Variants in RNF213 observed in about 807,000 individuals in gnomAD.
RNF213 encodes E3 ubiquitin-protein ligase RNF213.
A neutral mutation model predicts 514.4 loss-of-function variants in RNF213; 341 were observed. The ratio of observed to expected loss-of-function variants is 0.66; its 90% CI spans 0.61 to 0.73. The LOEUF (loss-of-function observed/expected upper bound fraction) is 0.73. Among genes scored for constraint, RNF213 ranks in the 30% least tolerant of loss-of-function variants. RNF213 has a pLI of 0.00. For missense variants in RNF213, 5,767 were observed against 6,615.6 expected, an observed-to-expected ratio of 0.87 and a Z score of 4.45; for synonymous variants, 2,655 against 2,658.2, an observed-to-expected ratio of 1.00 and a Z score of 0.04.
In RNF213 at chr17:80,278,929, T is replaced by A. The variant is rs2044163205; in HGVS notation, c.261+5525T>A. ...TGAGCAGGTAGTCCGAGTCAATAGT[T>A]TGGGCAGAATGCTCCCTGCCCTGGT... On this transcript the variant is annotated intron_variant, in intron 3 of 67. Transcript: ENST00000582970. The A allele has an allele frequency of 2.0e-6, 3 of 1,536,686 alleles. No individual in the cohort carries two copies. In the African/African-American group the frequency reaches 4.1e-5, roughly 21 times the overall value.
At position 80,360,052 on chromosome 17, in the gene RNF213, TTA is replaced by T; in HGVS notation, c.11055-7_11055-6del. The T allele has an allele frequency of 6.2e-7, 1 of 1,614,064 alleles. No homozygotes were observed. The highest frequency in any genetic ancestry group is 8.5e-7 in the Non-Finnish European group (1 of 1,179,950). On this transcript the variant is annotated splice_polypyrimidine_tract_variant and splice_region_variant and intron_variant, in intron 37 of 67. Coordinates refer to ENST00000582970, the MANE Select transcript of RNF213 (RefSeq NM_001256071.3). ...AACCCTCTTCTTATCATCCCTCACC[TTA>T]TTGCAGACATAAAGGTGAGATGGCC...
At position 80,264,538 on chromosome 17, in the gene RNF213, A is replaced by C. The variant is rs2043540766; in HGVS notation, c.97+760A>C. Among the ~76,000 whole-genome samples the C allele has an allele frequency of 6.6e-6, 1 of 152,050 alleles. No individual in the cohort carries two copies. Among genetic ancestry groups the C allele is most frequent in the African/African-American group, 2.4e-5 (1 of 41,402 alleles). Reference sequence around the variant, plus strand: ...CCAGACCTTCAGCCTTTCTGTGTCCAAAGCCCAGCCCCACCTCCACTGGTG... The same window carrying C: ...CCAGACCTTCAGCCTTTCTGTGTCCCAAGCCCAGCCCCACCTCCACTGGTG... On this transcript the variant is annotated intron_variant, in intron 2 of 67. Coordinates refer to ENST00000582970, the MANE Select transcript of RNF213 (RefSeq NM_001256071.3). The surrounding 1 kb of genome is among the most constrained non-coding windows in gnomAD (Gnocchi z 5.0).
At chr17:80,293,177 C>A (rs950095346) in intron 8 of RNF213, among the ~76,000 whole-genome samples, 3 of 152,062 alleles carry the variant, frequency 2.0e-5, no homozygotes, top group African/African-American at 7.2e-5. Flanking sequence ...CCCCCTCAGC[C>A]CCCCCAAGTA....
intron 36 of RNF213, chr17:80,355,205 A>G: frequency 2.2e-6 from 1 of 456,062 alleles, no homozygotes; most frequent in South Asian, 1.5e-5. Context: ...TCTAAAAGAC[A>G]GCGGACTCCT....
At chr17:80,266,060 T>C (rs1376242857) in intron 2 of RNF213, among the ~76,000 whole-genome samples, 1 of 152,104 alleles carries the variant, frequency 6.6e-6, no homozygotes, top group Non-Finnish European at 1.5e-5. Flanking sequence ...GTGGGCCCAC[T>C]AGCAGAGATT....
At chr17:80,331,183 C>A (rs2046404245) in intron 20 of RNF213, among the ~76,000 whole-genome samples, 1 of 152,096 alleles carries the variant, frequency 6.6e-6, no homozygotes, top group South Asian at 2.1e-4. Context: ...TCCCAGTCTG[C>A]AGTGACCTGC....
At chr17:80,289,601 A>G (rs1356437053) in intron 5 of RNF213, 58 bp from the exon 6 acceptor site, 1 of 1,575,514 alleles carries the variant, frequency 6.3e-7, no homozygotes, top group South Asian at 1.1e-5. Context: ...AGAAAAAAAA[A>G]AAAAAAAGAA....
chr17:80,386,681 G>A lies in RNF213; in HGVS notation c.14721-9G>A, dbSNP rs1420337801. 2.5e-6 allele frequency: 4 copies of A among 1,613,986 alleles called. No homozygotes were observed. The highest frequency in any genetic ancestry group is 3.4e-6 in the Non-Finnish European group (4 of 1,179,862). ...CCTGGACGCTGAGCGCTGTCTTTCT[G>A]CCCCTCAGCTATTCCGTGGATGCCG... On this transcript the variant is annotated splice_polypyrimidine_tract_variant and intron_variant, in intron 62 of 67. Coordinates refer to ENST00000582970, the MANE Select transcript of RNF213 (RefSeq NM_001256071.3).
intron 3 of RNF213, among the ~76,000 whole-genome samples, chr17:80,275,014 GGT>G (rs2043998454): frequency 8.0e-6 from 1 of 124,874 alleles, no homozygotes; most frequent in African/African-American, 3.2e-5. Flanking sequence ...TATGTGAGTT[GGT>G]GTGTGAGTGG....
At chr17:80,262,064 T>G (rs2043442169) in intron 1 of RNF213, among the ~76,000 whole-genome samples, 1 of 151,834 alleles carries the variant, frequency 6.6e-6, no homozygotes, top group South Asian at 2.1e-4. Flanking sequence ...GGTTCCCCAG[T>G]GTAGCATTGG....
chr17:80,275,649 A>AT (rs1018079865), intron 3 of RNF213, among the ~76,000 whole-genome samples: 2 of 151,764 alleles, frequency 1.3e-5, no homozygotes, highest in Non-Finnish European at 2.9e-5. Flanking sequence ...AGAGAGTATT[A>AT]TTTTTTCTTT....
chr17:80,298,603 A>C (rs1410348739), intron 11 of RNF213, 85 bp downstream of exon 11: 18 of 1,387,330 alleles, frequency 1.3e-5, no homozygotes, highest in Non-Finnish European at 5.1e-6. Flanking sequence ...TGGGCTCTGC[A>C]GTGACTCCAT....
Position 80,369,689 on chromosome 17 carries a change from T to C in RNF213, c.12325+18T>C. The stretch of plus-strand genomic sequence containing the variant: ...TGCCCAGAGTAGGTTGCTTTCTTCC[T>C]GTAAACCTAGCCCCTCATTTCTTCA... On this transcript the variant is annotated intron_variant, in intron 45 of 67. Transcript: ENST00000582970. The C allele has an allele frequency of 6.2e-7, 1 of 1,614,186 alleles. No homozygotes were observed.
At position 80,372,735 on chromosome 17, in the gene RNF213, G is replaced by A. The variant is rs759503959; in HGVS notation, c.12751+1G>A. On this transcript the variant is annotated splice_donor_variant, in intron 48 of 67. Coordinates refer to ENST00000582970, the MANE Select transcript of RNF213 (RefSeq NM_001256071.3). LOFTEE classifies it high-confidence loss of function. ...CTCTCGGAGCCTGAGGGAGGCCCAG[G>A]CAAGTCTTCTCTGCCTTGCTTTCCT... is the stretch of plus-strand genomic sequence containing the variant. The A allele has an allele frequency of 6.2e-7, 1 of 1,613,064 alleles. No individual in the cohort carries two copies.
intron 49 of RNF213, 70 bp downstream of exon 49, chr17:80,373,235 C>A (rs2079591063): frequency 7.5e-7 from 1 of 1,341,670 alleles, no homozygotes; most frequent in Non-Finnish European, 9.9e-7. Context: ...ACCCACACAC[C>A]CCCCTACCCT....
intron 14 of RNF213, 77 bp downstream of exon 14, chr17:80,309,248 A>T: frequency 6.5e-7 from 1 of 1,542,372 alleles, no homozygotes; most frequent in Non-Finnish European, 9.0e-7. Context: ...TGGAAAGGAA[A>T]CAGACTGATT....
chr17:80,324,912 A>G (rs2046238989), intron 17 of RNF213, 118 bp from the exon 18 acceptor site: 6 of 1,052,128 alleles, frequency 5.7e-6, no homozygotes, highest in Non-Finnish European at 8.2e-6. Flanking sequence ...TTGTGGCCTT[A>G]TAAAACAAGT....
chr17:80,279,189 A>T (rs1177379837), intron 3 of RNF213, among the ~76,000 whole-genome samples: 1 of 152,208 alleles, frequency 6.6e-6, no homozygotes, highest in East Asian at 1.9e-4. Context: ...TACTCCGTGC[A>T]GCTGTCCCCT....
intron 14 of RNF213, among the ~76,000 whole-genome samples, chr17:80,310,194 C>G (rs1171675296): frequency 6.6e-6 from 1 of 152,154 alleles, no homozygotes; most frequent in Non-Finnish European, 1.5e-5. Context: ...CAGTTTTCAC[C>G]CACTTGAGTT....
Sources: allele counts gnomAD v4.1 joint callset (sites outside exome capture counted in the v4.1 genomes callset), GRCh38; gene constraint gnomAD v4.1.1; non-coding constraint Gnocchi (gnomAD v3.1); transcripts MANE v1.5; gene names NCBI Gene and HGNC (gene_info 2026-07-23, HGNC 2026-07-21).